The following LUC7L3 variants were observed in gnomAD, a reference collection of about 807,000 sequenced individuals.
LUC7L3 encodes LUC7 like 3 pre-mRNA splicing factor.
Under a neutral mutation model 66.8 loss-of-function variants are expected in LUC7L3, and 6 were observed. The ratio of observed to expected loss-of-function variants is 0.09; its 90% CI spans 0.05 to 0.18. The LOEUF is 0.18. LUC7L3 is among the 10% of genes least tolerant of loss of function. The probability of loss-of-function intolerance (pLI) is 1.00; values close to 1 mark genes in which losing one functional copy is unlikely to be tolerated. For synonymous variants in LUC7L3, 160 were observed against 174.7 expected (o/e 0.92, Z 0.66); for missense variants, 341 against 531.1 (o/e 0.64, Z 3.52).
At chr17:50,733,404 T>G (rs1969760777) in intron 1 of LUC7L3, among the ~76,000 whole-genome samples, 1 of 116,686 alleles carries the variant, frequency 8.6e-6, no homozygotes, top group African/African-American at 4.7e-5. Context: ...GCTAGTTTTT[T>G]TTTTTTTTTT....
At chr17:50,725,410 C>CA (rs999500638) in intron 1 of LUC7L3, among the ~76,000 whole-genome samples, 9 of 148,326 alleles carry the variant, frequency 6.1e-5, no homozygotes, top group South Asian at 2.1e-4. Context: ...GACTCCATTT[C>CA]AAAAAAAAAA....
rs1044703247 is a variant in LUC7L3, at chr17:50,755,221, A to G, written c.*4560A>G. ...AAGTGTTCAGTGATCTATGTCTCCT[A>G]CTACTCCTATTTCTCTGTTTTTCCT... On this transcript the variant is annotated 3_prime_UTR_variant, in exon 10 of 10. Transcript: ENST00000505658. 1 of 152,052 alleles carries G rather than the reference A, an allele frequency of 6.6e-6. No homozygotes were observed. Among genetic ancestry groups the G allele is most frequent in the South Asian group, 2.1e-4 (1 of 4,828 alleles). The allele number at this position is 152,052 out of a possible 1,614,324, so 9.4% of individuals were successfully genotyped here. A position where few individuals can be genotyped will look rare whatever the true frequency, so the allele number is the denominator to read the frequency against.
At chr17:50,738,965 G>A (rs954863176) in intron 2 of LUC7L3, among the ~76,000 whole-genome samples, 11 of 152,098 alleles carry the variant, frequency 7.2e-5, no homozygotes, top group South Asian at 4.1e-4. Context: ...CAGTAACAAC[G>A]GGGGAAGTTG....
intron 2 of LUC7L3, among the ~76,000 whole-genome samples, chr17:50,738,706 C>T (rs1970152097): frequency 6.6e-6 from 1 of 152,136 alleles, no homozygotes; most frequent in Non-Finnish European, 1.5e-5. Flanking sequence ...TTTTAAAAAA[C>T]TTAGTCCAGG....
intron 1 of LUC7L3, among the ~76,000 whole-genome samples, chr17:50,726,075 CTAAAG>C (rs1363711497): frequency 5.9e-5 from 9 of 152,188 alleles, no homozygotes; most frequent in Non-Finnish European, 1.0e-4. Flanking sequence ...CAGTTGGTGT[CTAAAG>C]TAAATTGCAT....
intron 1 of LUC7L3, chr17:50,723,919 G>A (rs765324708): frequency 6.6e-6 from 3 of 453,938 alleles, no homozygotes; most frequent in South Asian, 1.6e-5. Flanking sequence ...ACAGGCGTGA[G>A]CCACTGCGCC....
At position 50,732,613 on chromosome 17, in the gene LUC7L3, C is replaced by T. The variant is rs886600581; in HGVS notation, c.100-4347C>T. 6.7e-5 allele frequency among the ~76,000 whole-genome samples: 10 copies of T among 149,438 alleles called. 1 individual carries two copies. The highest frequency in any genetic ancestry group is 3.4e-4 in the Admixed American group (5 of 14,924). On this transcript the variant is annotated intron_variant, in intron 1 of 9. Transcript: ENST00000505658. The stretch of plus-strand genomic sequence containing the variant: ...GTCTTACTATGTTGCCCAGGCTAGG[C>T]TCAAATGATCCTCCTGCTTTGGCCT...
chr17:50,748,576 A>G (rs1455021722), intron 9 of LUC7L3, among the ~76,000 whole-genome samples: 2 of 151,286 alleles, frequency 1.3e-5, no homozygotes, highest in African/African-American at 4.9e-5. Context: ...CTCCTGCCTC[A>G]GTCTCCTAAA....
intron 1 of LUC7L3, among the ~76,000 whole-genome samples, chr17:50,734,334 A>G (rs1267644075): frequency 6.6e-6 from 1 of 151,828 alleles, no homozygotes; most frequent in Non-Finnish European, 1.5e-5. Context: ...TGCCTGGCTA[A>G]TTTTGTATTT....
At position 50,747,674 on chromosome 17, in the gene LUC7L3, G is replaced by A. The variant is rs1047551644; in HGVS notation, c.1138+972G>A. 8.6e-5 allele frequency among the ~76,000 whole-genome samples: 13 copies of A among 151,944 alleles called. No homozygotes were observed. The East Asian group carries it at 1.5e-3, about 18-fold the overall frequency. On this transcript the variant is annotated intron_variant, in intron 9 of 9. Transcript: ENST00000505658. ...AGAACTGTCCTGGTTTTTTGTTTTCGTTTTTCCTCTAGACTCAGCTAGAAC... is the reference window on the plus strand; with the variant it reads ...AGAACTGTCCTGGTTTTTTGTTTTCATTTTTCCTCTAGACTCAGCTAGAAC...
rs1970869297 is a variant in LUC7L3, at chr17:50,749,429, A to T, written c.1139-1072A>T. ...AAGTCTTGCGCTTAACTACTTGGAC[A>T]TTGCTTTGTGTATTATGCAAGTGTT... On this transcript the variant is annotated intron_variant, in intron 9 of 9. Transcript: ENST00000505658. The T allele has an allele frequency of 4.4e-6, 5 of 1,145,766 alleles. No homozygotes were observed. In the South Asian group the frequency reaches 4.6e-5, roughly 11 times the overall value. 71.0% of individuals were successfully genotyped at this position (1,145,766 alleles called of 1,614,324 possible). A position where few individuals can be genotyped will look rare whatever the true frequency, so the allele number is the denominator to read the frequency against.
Position 50,755,186 on chromosome 17 carries a change from T to TAAAAA in LUC7L3, c.*4532_*4536dup. ...TTATAATTGTAATGTTGCCCATGGTTAAAAAAAAAAAGTGTTCAGTGATCT... is the reference window on the plus strand; with the variant it reads ...TTATAATTGTAATGTTGCCCATGGTTAAAAAAAAAAAAAAAAGTGTTCAGTGATCT... On this transcript the variant is annotated 3_prime_UTR_variant, in exon 10 of 10. Coordinates refer to ENST00000505658, the MANE Select transcript of LUC7L3 (RefSeq NM_016424.5). The TAAAAA allele has an allele frequency of 6.8e-6, 1 of 147,048 alleles. No homozygotes were observed. Among genetic ancestry groups the TAAAAA allele is most frequent in the South Asian group, 2.1e-4 (1 of 4,684 alleles). 9.1% of individuals were successfully genotyped at this position (147,048 alleles called of 1,614,324 possible).
chr17:50,731,683 G>A (rs1969614552), intron 1 of LUC7L3, among the ~76,000 whole-genome samples: 1 of 152,144 alleles, frequency 6.6e-6, no homozygotes, highest in South Asian at 2.1e-4. Context: ...TGGAGTGGAA[G>A]GAACACTCAG....
chr17:50,751,716 T>G lies in LUC7L3; in HGVS notation c.*1055T>G. On this transcript the variant is annotated 3_prime_UTR_variant, in exon 10 of 10. Coordinates refer to ENST00000505658, the MANE Select transcript of LUC7L3 (RefSeq NM_016424.5). ...GAATTTGCAGTCAGCCATAGGTATG[T>G]AGGAATAGTCACTCACTGGCTGATA... 9.5e-7 allele frequency: 1 copy of G among 1,048,860 alleles called. No individual in the cohort carries two copies. Among genetic ancestry groups the G allele is most frequent in the Non-Finnish European group, 1.2e-6 (1 of 866,982 alleles). The allele number at this position is 1,048,860 out of a possible 1,614,324, so 65.0% of individuals were successfully genotyped here.
intron 1 of LUC7L3, among the ~76,000 whole-genome samples, chr17:50,731,982 C>T (rs1038173586): frequency 3.3e-5 from 5 of 152,116 alleles, no homozygotes; most frequent in African/African-American, 9.7e-5. Context: ...TAGGGACCTA[C>T]GAACAGAAGC....
intron 1 of LUC7L3, among the ~76,000 whole-genome samples, chr17:50,728,228 C>T (rs1323549608): frequency 6.6e-6 from 1 of 152,002 alleles, no homozygotes; most frequent in Admixed American, 6.6e-5. Flanking sequence ...TAACTGGCTG[C>T]TGTGGAAGAT....
chr17:50,725,505 A>G (rs1969121291), intron 1 of LUC7L3, among the ~76,000 whole-genome samples: 1 of 152,178 alleles, frequency 6.6e-6, no homozygotes, highest in Non-Finnish European at 1.5e-5. Flanking sequence ...TATTGGTGAC[A>G]GTAAATGCAC....
intron 1 of LUC7L3, among the ~76,000 whole-genome samples, chr17:50,726,776 C>T (rs977418226): frequency 1.3e-5 from 2 of 152,084 alleles, no homozygotes; most frequent in Non-Finnish European, 2.9e-5. Flanking sequence ...GTGCACATCT[C>T]TAGCTTACTT....
At chr17:50,743,631 A>G in intron 5 of LUC7L3, 75 bp from the exon 6 acceptor site, 1 of 929,586 alleles carries the variant, frequency 1.1e-6, no homozygotes, top group Non-Finnish European at 1.7e-6. Flanking sequence ...ACAACCACTA[A>G]TGAACCATGG....
Sources: allele counts gnomAD v4.1 joint callset (sites outside exome capture counted in the v4.1 genomes callset), GRCh38; gene constraint gnomAD v4.1.1; transcripts MANE v1.5; gene names NCBI Gene and HGNC (gene_info 2026-07-23, HGNC 2026-07-21).